AKAP8L: variants seen among roughly 807,000 people sequenced by gnomAD.
AKAP8L encodes A-kinase anchoring protein 8 like, also known as A-kinase anchor protein 8-like.
AKAP8L carries 34 observed loss-of-function variants against 77.5 expected under a neutral mutation model. That is an observed-to-expected ratio of 0.44 (90% CI 0.33 to 0.58). AKAP8L has a LOEUF of 0.58. AKAP8L is among the 20% of genes least tolerant of loss of function. The pLI, the probability that AKAP8L is intolerant of heterozygous loss-of-function variation, is 0.02. For synonymous variants in AKAP8L, 342 were observed against 340.7 expected (o/e 1.00, Z -0.04); for missense variants, 806 against 887.6 (o/e 0.91, Z 1.17).
intron 12 of AKAP8L, among the ~76,000 whole-genome samples, chr19:15,393,229 A>G (rs1211562250): frequency 1.3e-5 from 2 of 152,228 alleles, no homozygotes; most frequent in Non-Finnish European, 2.9e-5. Flanking sequence ...AGCTAAAACC[A>G]TAAAATTCTT....
chr19:15,402,863 G>A (rs1342938862), intron 4 of AKAP8L, among the ~76,000 whole-genome samples: 2 of 152,212 alleles, frequency 1.3e-5, no homozygotes, highest in African/African-American at 2.4e-5. Flanking sequence ...TGGTAGGCGA[G>A]GCCCAGCCCC....
Position 15,401,436 on chromosome 19 carries a change from C to T in AKAP8L, c.530G>A (p.Gly177Asp). 1 of 1,613,614 alleles carries T rather than the reference C, an allele frequency of 6.2e-7. No homozygotes were observed. Among genetic ancestry groups the T allele is most frequent in the Non-Finnish European group, 8.5e-7 (1 of 1,179,892 alleles). ...QFRMRGNDTF[G>D]PRAQGWARDA... ...CCGGGCCCAGCCCTGTGCCCTGGGA[C>T]CGAAGGTGTCGTTGCCACGCATGCG... Residue 177 changes from glycine to aspartate, a missense_variant, in exon 5 of 14, where the codon GGT (glycine) becomes GAT (aspartate). Gly to Asp is a moderately conservative substitution (Grantham distance 94). This residue lies in a region of AKAP8L where 580 missense variants were observed against 694.1 expected (regional missense o/e 0.84). Transcript: ENST00000397410. The surrounding 1 kb of genome is among the most constrained non-coding windows in gnomAD (Gnocchi z 6.2).
At position 15,403,889 on chromosome 19, in the gene AKAP8L, AG is replaced by A; in HGVS notation, c.121+120del. Reference sequence around the variant, plus strand: ...TGATGAGGGCCTCCTGTTAAGGAGTAGGTAACCCCAGAAACATGCCCCCTCC... The same window carrying A: ...TGATGAGGGCCTCCTGTTAAGGAGTAGTAACCCCAGAAACATGCCCCCTCC... On this transcript the variant is annotated intron_variant, in intron 3 of 13. Transcript: ENST00000397410. This position sits in a 1 kb window ranked among gnomAD's most constrained non-coding sequence, Gnocchi z 4.3. 8.2e-7 allele frequency: 1 copy of A among 1,225,314 alleles called. No individual in the cohort carries two copies. Among genetic ancestry groups the A allele is most frequent in the Non-Finnish European group, 1.2e-6 (1 of 852,500 alleles). The allele number at this position is 1,225,314 out of a possible 1,614,324, so 75.9% of individuals were successfully genotyped here.
At chr19:15,415,722 T>A (rs1170521757) in intron 1 of AKAP8L, among the ~76,000 whole-genome samples, 1 of 151,736 alleles carries the variant, frequency 6.6e-6, no homozygotes, top group East Asian at 1.9e-4. Flanking sequence ...CCGTCTCTAC[T>A]AAAAATACAA....
chr19:15,414,095 A>C (rs1599623155), intron 1 of AKAP8L, among the ~76,000 whole-genome samples: 3 of 107,318 alleles, frequency 2.8e-5, no homozygotes, highest in Admixed American at 1.3e-4. Context: ...ACGGAGTTTC[A>C]CTCTTGTTGC....
Position 15,403,340 on chromosome 19 carries a change from C to T in AKAP8L, c.362+135G>A. On this transcript the variant is annotated intron_variant, in intron 4 of 13. Coordinates refer to ENST00000397410, the MANE Select transcript of AKAP8L (RefSeq NM_014371.4). The surrounding 1 kb of genome is among the most constrained non-coding windows in gnomAD (Gnocchi z 4.3). ...TCAGAGACGGGAAGTGCAACGGACC[C>T]TGCTGGGAGCCACAGCAGCACCAAG... 1 of 824,908 alleles carries T rather than the reference C, an allele frequency of 1.2e-6. No individual in the cohort carries two copies. The allele number at this position is 824,908 out of a possible 1,614,324, so 51.1% of individuals were successfully genotyped here.
In AKAP8L at chr19:15,397,154, C is replaced by A. The variant is rs775893272; in HGVS notation, c.1532G>T (p.Arg511Leu). 11 of 1,613,740 alleles carry A rather than the reference C, an allele frequency of 6.8e-6. No homozygotes were observed. The highest frequency in any genetic ancestry group is 7.6e-6 in the Non-Finnish European group (9 of 1,179,858). Reference protein sequence around the residue: ...HLKTMDHNRNRRLMMEQSKKS... With the variant: ...HLKTMDHNRNLRLMMEQSKKS... ...GAGAGCACTGTGGCCACTCACCCTG[C>A]GGTTCCGGTTGTGATCCATGGTCTT... The change falls in exon 12 of 14, where the codon CGC becomes CTC. Residue 511 changes from arginine to leucine, a missense_variant. Transcript: ENST00000397410. The surrounding 1 kb of genome is among the most constrained non-coding windows in gnomAD (Gnocchi z 4.7).
chr19:15,389,983 CTATT>C lies in AKAP8L; in HGVS notation c.1536+7163_1536+7166del, dbSNP rs752735549. ...TGCCTGTAGTGGCAAGACCCTGTCTCTATTTATTTTTTTTTAATCAAAAAAGGGA... is the reference window on the plus strand; with the variant it reads ...TGCCTGTAGTGGCAAGACCCTGTCTCTATTTTTTTTTAATCAAAAAAGGGA... On this transcript the variant is annotated intron_variant, in intron 12 of 13. Coordinates refer to ENST00000397410, the MANE Select transcript of AKAP8L (RefSeq NM_014371.4). Among the ~76,000 whole-genome samples the C allele has an allele frequency of 4.8e-4, 73 of 151,488 alleles. 1 individual carries two copies. The Middle Eastern group carries it at 0.014, about 28-fold the overall frequency.
intron 12 of AKAP8L, among the ~76,000 whole-genome samples, chr19:15,387,505 T>C (rs1967564320): frequency 6.6e-6 from 1 of 152,168 alleles, no homozygotes; most frequent in Non-Finnish European, 1.5e-5. Context: ...CCTTTTTTTT[T>C]TCCCCCACCA....
intron 2 of AKAP8L, among the ~76,000 whole-genome samples, chr19:15,408,499 G>A (rs1408659931): frequency 6.6e-6 from 1 of 151,108 alleles, no homozygotes. Context: ...GGAGGTGGAG[G>A]TTGTGGTGAG....
chr19:15,413,173 A>G (rs1014703229), intron 1 of AKAP8L, among the ~76,000 whole-genome samples: 20 of 152,236 alleles, frequency 1.3e-4, no homozygotes, highest in Non-Finnish European at 2.5e-4. Flanking sequence ...CAGGTGGGCA[A>G]GATTCCTTAC....
At chr19:15,406,422 TTTA>T (rs968325042) in intron 2 of AKAP8L, among the ~76,000 whole-genome samples, 55 of 142,186 alleles carry the variant, frequency 3.9e-4, no homozygotes, top group Admixed American at 8.4e-4. Flanking sequence ...AATTTATATA[TTTA>T]TTATTATTAA....
intron 12 of AKAP8L, chr19:15,381,235 T>A (rs564491883): frequency 6.5e-6 from 1 of 153,164 alleles, no homozygotes; most frequent in East Asian, 1.9e-4. Flanking sequence ...ACTGGAAACA[T>A]GCGTGCACAC....
Position 15,400,801 on chromosome 19 carries a change from G to A in AKAP8L, c.977C>T (p.Ser326Phe). Reference sequence around the variant, plus strand: ...CCAGCCAGAGCCACTTACCACTCTGGAGCCCTTCTCCACAGCCTCGGTGCC... The same window carrying A: ...CCAGCCAGAGCCACTTACCACTCTGAAGCCCTTCTCCACAGCCTCGGTGCC... ...LEGTEAVEKGSRVDGEDEEGK... is the reference protein window; with the variant it reads ...LEGTEAVEKGFRVDGEDEEGK... The change falls in exon 7 of 14, where the codon TCC (serine) becomes TTC (phenylalanine). Residue 326 changes from serine (S) to phenylalanine (F), a missense_variant. Physicochemically the swap from Ser to Phe is radical, Grantham distance 155. Around this residue, in one of 2 missense-constraint regions of AKAP8L, gnomAD observed 580 missense variants for 694.1 expected, o/e 0.84. Transcript: ENST00000397410. 2.5e-6 allele frequency: 4 copies of A among 1,613,952 alleles called. No homozygotes were observed. In the South Asian group the frequency reaches 4.4e-5, roughly 18 times the overall value.
intron 12 of AKAP8L, among the ~76,000 whole-genome samples, chr19:15,385,383 G>A (rs1967512530): frequency 1.3e-5 from 2 of 150,552 alleles, no homozygotes; most frequent in Non-Finnish European, 2.9e-5. Context: ...GGGTTTCACC[G>A]TGTTAGCCAG....
chr19:15,394,095 T>C (rs80209438), intron 12 of AKAP8L, among the ~76,000 whole-genome samples: 2,237 of 152,216 alleles, frequency 0.015, 19 homozygotes, highest in Non-Finnish European at 0.022. Flanking sequence ...AATGAAAACA[T>C]ATGTCCACAT....
Position 15,403,193 on chromosome 19 carries a change from T to C in AKAP8L, c.362+282A>G. The C allele has an allele frequency of 6.3e-6, 3 of 473,412 alleles. No homozygotes were observed. The South Asian group carries it at 6.4e-5, about 10-fold the overall frequency. 29.3% of individuals were successfully genotyped at this position (473,412 alleles called of 1,614,324 possible). On this transcript the variant is annotated intron_variant, in intron 4 of 13. Coordinates refer to ENST00000397410, the MANE Select transcript of AKAP8L (RefSeq NM_014371.4). This position sits in a 1 kb window ranked among gnomAD's most constrained non-coding sequence, Gnocchi z 4.3. Reference sequence around the variant, plus strand: ...CTTGGAGGGAGGGGTGGCTGAACACTCTGTTTTTGAGGGCACAGTGAAGTC... The same window carrying C: ...CTTGGAGGGAGGGGTGGCTGAACACCCTGTTTTTGAGGGCACAGTGAAGTC...
In AKAP8L at chr19:15,418,960, C is replaced by T. The variant is rs1459862859; in HGVS notation, c.-37G>A. 4 of 1,604,120 alleles carry T rather than the reference C, an allele frequency of 2.5e-6. No homozygotes were observed. The highest frequency in any genetic ancestry group is 1.3e-5 in the African/African-American group (1 of 75,062). ...ACACAACATCCGACGACGCCGGCTT[C>T]TGCTGCTCTGAACATCCGACGCTGC... On this transcript the variant is annotated 5_prime_UTR_variant, in exon 1 of 14. Transcript: ENST00000397410.
At position 15,399,775 on chromosome 19, in the gene AKAP8L, AC is replaced by A; in HGVS notation, c.1049-366del. The stretch of plus-strand genomic sequence containing the variant: ...GGAGGCTGCTCACATGGCCCTGCCC[AC>A]CCCCAACCGGGCACCGCGGCAACAG... On this transcript the variant is annotated intron_variant, in intron 8 of 13. Transcript: ENST00000397410. This position sits in a 1 kb window ranked among gnomAD's most constrained non-coding sequence, Gnocchi z 6.1. 8.8e-6 allele frequency: 3 copies of A among 339,918 alleles called. No individual in the cohort carries two copies. Among genetic ancestry groups the A allele is most frequent in the South Asian group, 3.3e-5 (1 of 30,030 alleles). 21.1% of individuals were successfully genotyped at this position (339,918 alleles called of 1,614,324 possible). A position where few individuals can be genotyped will look rare whatever the true frequency, so the allele number is the denominator to read the frequency against.
Sources: allele counts gnomAD v4.1 joint callset (sites outside exome capture counted in the v4.1 genomes callset), GRCh38; gene constraint gnomAD v4.1.1; regional missense constraint gnomAD v4.1.1; non-coding constraint Gnocchi (gnomAD v3.1); transcripts MANE v1.5; gene names NCBI Gene and HGNC (gene_info 2026-07-23, HGNC 2026-07-21).